RBM27: variants seen among roughly 807,000 people sequenced by gnomAD.
RBM27 encodes RNA binding motif protein 27, also known as RNA-binding protein 27.
RBM27 carries 22 observed loss-of-function variants against 135.3 expected under a neutral mutation model. That is an observed-to-expected ratio of 0.16 (90% CI 0.12 to 0.23). The LOEUF (loss-of-function observed/expected upper bound fraction) is 0.23, where lower values mean the gene tolerates loss of function less well. Among genes scored for constraint, RBM27 ranks in the 10% least tolerant of loss-of-function variants. RBM27 has a pLI of 1.00. For missense variants in RBM27, 1,009 were observed against 1,281.0 expected, an observed-to-expected ratio of 0.79 and a Z score of 3.24; for synonymous variants, 481 against 442.4, an observed-to-expected ratio of 1.09 and a Z score of -1.10.
intron 1 of RBM27, among the ~76,000 whole-genome samples, chr5:146,209,334 A>G (rs758220181): frequency 2.0e-5 from 3 of 152,234 alleles, no homozygotes; most frequent in Non-Finnish European, 2.9e-5. Flanking sequence ...CAGGTCCTAT[A>G]GGTAGGAACA....
chr5:146,230,676 G>C lies in RBM27; in HGVS notation c.609G>C (p.Lys203Asn). The stretch of plus-strand genomic sequence containing the variant: ...AAGTAGAGCACAGGGAAAGATCGAA[G>C]TTTAAGAGTGAAAGGAATGACCTGG... Reference protein sequence around the residue: ...NRNVEHRERSKFKSERNDLES... With the variant: ...NRNVEHRERSNFKSERNDLES... The change falls in exon 6 of 21, where the codon AAG becomes AAC. Residue 203 changes from lysine (K) to asparagine (N), a missense_variant. Coordinates refer to ENST00000265271, the MANE Select transcript of RBM27 (RefSeq NM_018989.2). 6.2e-7 allele frequency: 1 copy of C among 1,614,106 alleles called. No individual in the cohort carries two copies. Among genetic ancestry groups the C allele is most frequent in the East Asian group, 2.2e-5 (1 of 44,886 alleles).
At chr5:146,222,303 A>G (rs1053479922) in intron 2 of RBM27, among the ~76,000 whole-genome samples, 2 of 152,234 alleles carry the variant, frequency 1.3e-5, no homozygotes, top group African/African-American at 4.8e-5. Flanking sequence ...AATCATTGCA[A>G]TGTAAGCAGA....
intron 8 of RBM27, among the ~76,000 whole-genome samples, chr5:146,247,978 A>G (rs1166733981): frequency 6.6e-6 from 1 of 152,220 alleles, no homozygotes; most frequent in Non-Finnish European, 1.5e-5. Flanking sequence ...GTTGACTATA[A>G]CAACCATTTG....
At chr5:146,258,870 T>C (rs1447282356) in intron 11 of RBM27, among the ~76,000 whole-genome samples, 1 of 152,034 alleles carries the variant, frequency 6.6e-6, no homozygotes, top group African/African-American at 2.4e-5. Flanking sequence ...GTGATTCTCT[T>C]GTCCCAGCCT....
intron 15 of RBM27, 101 bp downstream of exon 15, chr5:146,267,869 A>G: frequency 8.4e-7 from 1 of 1,194,054 alleles, no homozygotes. Flanking sequence ...GGCAGGGCAT[A>G]ACATCATAAT....
At chr5:146,218,298 T>C (rs970405033) in intron 1 of RBM27, among the ~76,000 whole-genome samples, 1 of 152,194 alleles carries the variant, frequency 6.6e-6, no homozygotes, top group African/African-American at 2.4e-5. Context: ...TGAGTATCAG[T>C]GTTGGATTAC....
intron 18 of RBM27, 68 bp from the exon 19 acceptor site, chr5:146,271,415 A>G: frequency 7.4e-7 from 1 of 1,359,442 alleles, no homozygotes. Flanking sequence ...AAAAAAAAAA[A>G]GTTTTCCTTT....
chr5:146,281,920 A>G (rs183642709), intron 19 of RBM27, among the ~76,000 whole-genome samples: 16 of 151,418 alleles, frequency 1.1e-4, no homozygotes, highest in African/African-American at 3.9e-4. Context: ...AGACTCATTC[A>G]TGTTTTTACA....
At chr5:146,266,929 T>TA (rs1244985496) in intron 14 of RBM27, among the ~76,000 whole-genome samples, 14 of 151,046 alleles carry the variant, frequency 9.3e-5, no homozygotes, top group South Asian at 4.2e-4. Context: ...ACCTTATCTT[T>TA]AAAAAAAAAG....
intron 9 of RBM27, 103 bp downstream of exon 9, chr5:146,251,978 C>T (rs1757909900): frequency 7.9e-7 from 1 of 1,271,748 alleles, no homozygotes; most frequent in Middle Eastern, 2.6e-4. Context: ...TTACAAAGTC[C>T]CATTAAAGCT....
chr5:146,228,800 A>C (rs1194322868), intron 3 of RBM27, 146 bp from the exon 4 acceptor site: 9 of 561,668 alleles, frequency 1.6e-5, no homozygotes, highest in Admixed American at 3.2e-5. Context: ...TTTAGTAGAG[A>C]TGGAGTCTCC....
At chr5:146,229,092 T>C in intron 4 of RBM27, 55 bp downstream of exon 4, 1 of 1,386,346 alleles carries the variant, frequency 7.2e-7, no homozygotes. Flanking sequence ...TTAGTTGCCT[T>C]GCAAGGACAT....
intron 7 of RBM27, among the ~76,000 whole-genome samples, chr5:146,235,073 T>TAAATAAATAAAA (rs904240775): frequency 1.4e-5 from 2 of 146,118 alleles, no homozygotes; most frequent in Non-Finnish European, 3.0e-5. Flanking sequence ...AATAAATAAA[T>TAAATAAATAAAA]AAAAGATGGC....
rs927377077 is a variant in RBM27, at chr5:146,251,778, T to G, written c.1347T>G (p.Pro449=). The change falls in exon 9 of 21, where the codon CCT becomes CCG. Residue 449 remains proline, a synonymous_variant. Coordinates refer to ENST00000265271, the MANE Select transcript of RBM27 (RefSeq NM_018989.2). The part of the protein sequence containing the change: ...ASERLQLGTP[P]PLLAARLVPP... ...AGCGACTTCAGTTGGGGACACCGCC[T>G]CCTCTGTTGGCAGCTCGTTTGGTGC... The G allele has an allele frequency of 1.8e-5, 29 of 1,613,440 alleles. No homozygotes were observed. Among genetic ancestry groups the G allele is most frequent in the Non-Finnish European group, 2.4e-5 (28 of 1,179,508 alleles).
intron 3 of RBM27, among the ~76,000 whole-genome samples, chr5:146,226,464 C>T (rs1756681998): frequency 6.6e-6 from 1 of 151,708 alleles, no homozygotes; most frequent in Admixed American, 6.6e-5. Context: ...CTGCCACCTC[C>T]ACCTCCTGGA....
chr5:146,259,541 C>CCTT (rs1176148535), intron 11 of RBM27, among the ~76,000 whole-genome samples: 1 of 150,402 alleles, frequency 6.6e-6, no homozygotes, highest in East Asian at 1.9e-4. Flanking sequence ...GGTGTTCTAG[C>CCTT]CTTCATTTAA....
intron 19 of RBM27, among the ~76,000 whole-genome samples, chr5:146,275,524 C>G (rs751409723): frequency 1.3e-5 from 2 of 152,126 alleles, no homozygotes; most frequent in Admixed American, 6.5e-5. Context: ...GCCTTAGCCT[C>G]CCAAAGTGCT....
intron 1 of RBM27, among the ~76,000 whole-genome samples, chr5:146,207,700 G>A (rs1755753062): frequency 6.7e-6 from 1 of 149,212 alleles, no homozygotes; most frequent in South Asian, 2.1e-4. Flanking sequence ...TGTCGCCCAG[G>A]CTGGAGTGCA....
rs192857348 is a variant in RBM27, at chr5:146,263,658, T to C, written c.2331+27T>C. On this transcript the variant is annotated intron_variant, in intron 14 of 20. Transcript: ENST00000265271. ...TATGCATTTTTGGGAGCTTCAGATA[T>C]ATTTAGAATCATTCAGTGAATTAAC... The C allele has an allele frequency of 2.9e-5, 46 of 1,608,884 alleles. No individual in the cohort carries two copies. The Admixed American group carries it at 3.0e-4, about 11-fold the overall frequency.
Sources: allele counts gnomAD v4.1 joint callset (sites outside exome capture counted in the v4.1 genomes callset), GRCh38; gene constraint gnomAD v4.1.1; transcripts MANE v1.5; gene names NCBI Gene and HGNC (gene_info 2026-07-23, HGNC 2026-07-21).